PRKCB: variants seen among roughly 807,000 people sequenced by gnomAD.
PRKCB encodes the protein protein kinase C beta.
In PRKCB, 13 loss-of-function variants were observed where a neutral mutation model predicts 81.5. The ratio of observed to expected loss-of-function variants is 0.16; its 90% CI spans 0.10 to 0.25. The LOEUF (loss-of-function observed/expected upper bound fraction) is 0.25. PRKCB is among the 10% of genes least tolerant of loss of function. The pLI, the probability that PRKCB is intolerant of heterozygous loss-of-function variation, is 1.00. For missense variants in PRKCB, 509 were observed against 875.7 expected (o/e 0.58, Z 5.29); for synonymous variants, 335 against 321.4 (o/e 1.04, Z -0.45).
chr16:24,042,447 A>G (rs1400994443), intron 5 of PRKCB, among the ~76,000 whole-genome samples: 1 of 152,150 alleles, frequency 6.6e-6, no homozygotes, highest in Non-Finnish European at 1.5e-5. Context: ...ATTTTTTCCC[A>G]AGTCTTTATT....
At chr16:24,185,398 G>A in intron 14 of PRKCB, 62 bp from the exon 15 acceptor site, 2 of 1,472,918 alleles carry the variant, frequency 1.4e-6, no homozygotes, top group Non-Finnish European at 9.4e-7. Flanking sequence ...TGCCAGTTGA[G>A]GGGAGCTAGG....
intron 9 of PRKCB, among the ~76,000 whole-genome samples, chr16:24,141,466 G>A (rs1353904703): frequency 6.6e-6 from 1 of 152,220 alleles, no homozygotes; most frequent in East Asian, 1.9e-4. Context: ...AAAGTGCTGG[G>A]ATTACAGGCG....
At chr16:24,057,093 G>T (rs10852260) in intron 5 of PRKCB, among the ~76,000 whole-genome samples, 54,156 of 152,028 alleles carry the variant, frequency 0.36, 12,480 homozygotes, top group African/African-American at 0.66. Context: ...AAACAAAAAT[G>T]TAAACAAGAA....
intron 2 of PRKCB, among the ~76,000 whole-genome samples, chr16:23,891,002 C>CGTGTGTGT (rs10551727): frequency 2.6e-4 from 39 of 147,858 alleles, no homozygotes; most frequent in African/African-American, 9.3e-4. Context: ...ATATATAATG[C>CGTGTGTGT]GTGTGTGTGT....
chr16:24,154,300 G>A (rs1446316098), intron 9 of PRKCB, among the ~76,000 whole-genome samples: 11 of 152,116 alleles, frequency 7.2e-5, no homozygotes, highest in Admixed American at 7.2e-4. Context: ...AACATAGTGA[G>A]ACCTTGTCTC....
At chr16:24,170,118 T>C (rs1034059403) in intron 10 of PRKCB, among the ~76,000 whole-genome samples, 2 of 152,162 alleles carry the variant, frequency 1.3e-5, no homozygotes, top group Non-Finnish European at 2.9e-5. Context: ...TTATTATGTT[T>C]AGCATTTATT....
At chr16:24,117,079 A>G (rs528772321) in intron 8 of PRKCB, among the ~76,000 whole-genome samples, 52 of 145,750 alleles carry the variant, frequency 3.6e-4, no homozygotes, top group East Asian at 3.5e-3. Context: ...GTTGATTTAA[A>G]AAAATGTTTC....
chr16:24,174,019 G>T (rs1324354746), intron 11 of PRKCB, among the ~76,000 whole-genome samples: 1 of 151,760 alleles, frequency 6.6e-6, no homozygotes, highest in Admixed American at 6.6e-5. Context: ...TCTTTTTTGG[G>T]GGGGTGGGGG....
intron 5 of PRKCB, among the ~76,000 whole-genome samples, chr16:24,052,213 G>A (rs1043384875): frequency 1.6e-4 from 24 of 152,334 alleles, no homozygotes; most frequent in African/African-American, 5.5e-4. Context: ...CTGTACTTGA[G>A]CTTGCATCAG....
At chr16:23,985,289 G>T (rs1337424783) in intron 2 of PRKCB, among the ~76,000 whole-genome samples, 1 of 152,056 alleles carries the variant, frequency 6.6e-6, no homozygotes, top group East Asian at 1.9e-4. Context: ...TAGAGACGGG[G>T]TTTCACCATG....
chr16:23,952,861 G>A (rs1462719345), intron 2 of PRKCB, among the ~76,000 whole-genome samples: 1 of 152,188 alleles, frequency 6.6e-6, no homozygotes, highest in Non-Finnish European at 1.5e-5. Flanking sequence ...AGGGAAGCTG[G>A]CTCAGGAGCT....
At chr16:24,141,064 G>A (rs1966894354) in intron 9 of PRKCB, among the ~76,000 whole-genome samples, 1 of 152,212 alleles carries the variant, frequency 6.6e-6, no homozygotes, top group African/African-American at 2.4e-5. Context: ...TTTGCTATAT[G>A]TTAAGCTGTT....
intron 2 of PRKCB, among the ~76,000 whole-genome samples, chr16:23,860,239 C>T (rs1567292475): frequency 1.3e-5 from 2 of 151,448 alleles, no homozygotes; most frequent in South Asian, 2.1e-4. Flanking sequence ...CACTTAGTAC[C>T]AAAAAAAAGT....
At chr16:23,920,021 G>A (rs1282762952) in intron 2 of PRKCB, among the ~76,000 whole-genome samples, 1 of 152,200 alleles carries the variant, frequency 6.6e-6, no homozygotes, top group African/African-American at 2.4e-5. Flanking sequence ...GAACCCAGAA[G>A]TGGAATTGCT....
At position 24,218,033 on chromosome 16, in the gene PRKCB, C is replaced by T; in HGVS notation, c.*3217C>T. 1.0e-6 allele frequency: 1 copy of T among 985,342 alleles called. No individual in the cohort carries two copies. Among genetic ancestry groups the T allele is most frequent in the Non-Finnish European group, 1.2e-6 (1 of 829,912 alleles). The allele number at this position is 985,342 out of a possible 1,614,324, so 61.0% of individuals were successfully genotyped here. A position where few individuals can be genotyped will look rare whatever the true frequency, so the allele number is the denominator to read the frequency against. The stretch of plus-strand genomic sequence containing the variant: ...ATATCCCAAGTCTTCCTTCATTCCA[C>T]AAATAATTACAAACAACCTACTGTG... On this transcript the variant is annotated 3_prime_UTR_variant, in exon 17 of 17. Transcript: ENST00000643927.
intron 2 of PRKCB, among the ~76,000 whole-genome samples, chr16:23,881,776 T>C (rs934915423): frequency 6.6e-6 from 1 of 152,062 alleles, no homozygotes; most frequent in Non-Finnish European, 1.5e-5. Flanking sequence ...CAGTTAGGAC[T>C]TTTCATCTCG....
chr16:24,049,047 G>GT (rs1160842975), intron 5 of PRKCB, among the ~76,000 whole-genome samples: 1,375 of 49,680 alleles, frequency 0.028, 404 homozygotes, highest in African/African-American at 0.047. Context: ...AAATTGGCCT[G>GT]TTTTTTTTTT....
rs199950702 is a variant in PRKCB at position 24,092,967 on chromosome 16, G to C, written c.686+20G>C. On this transcript the variant is annotated intron_variant, in intron 6 of 16. Transcript: ENST00000643927. ...TAGATTGTAAGTGGAAATGACTGCA[G>C]TGAGCATGGGTGGTGGAGGTTGGGT... 6.2e-7 allele frequency: 1 copy of C among 1,608,502 alleles called. No individual in the cohort carries two copies. The highest frequency in any genetic ancestry group is 2.2e-5 in the East Asian group (1 of 44,692).
At chr16:23,891,004 T>TGC (rs752223277) in intron 2 of PRKCB, among the ~76,000 whole-genome samples, 1 of 21,338 alleles carries the variant, frequency 4.7e-5, no homozygotes, top group Non-Finnish European at 1.2e-4. Context: ...ATATAATGCG[T>TGC]GTGTGTGTGT....
Sources: gnomAD v4.1 joint callset for allele counts (sites outside exome capture counted in the v4.1 genomes callset) on GRCh38, gnomAD v4.1.1 for gene constraint, MANE v1.5 for transcripts, NCBI Gene and HGNC (gene_info 2026-07-23, HGNC 2026-07-21) for gene names.